Variants in PTPRD observed in about 807,000 individuals in gnomAD.
PTPRD encodes protein tyrosine phosphatase receptor type D, also known as receptor-type tyrosine-protein phosphatase delta.
A neutral mutation model predicts 214.5 loss-of-function variants in PTPRD; 34 were observed. That is an observed-to-expected ratio of 0.16 (90% CI 0.12 to 0.21). The LOEUF (loss-of-function observed/expected upper bound fraction) is 0.21. PTPRD is among the 10% of genes least tolerant of loss of function. The pLI, the probability that PTPRD is intolerant of heterozygous loss-of-function variation, is 1.00. For synonymous variants in PTPRD, 1,128 were observed against 845.7 expected, an observed-to-expected ratio of 1.33 and a Z score of -5.79; for missense variants, 2,545 against 2,398.7, an observed-to-expected ratio of 1.06 and a Z score of -1.27.
intron 11 of PTPRD, among the ~76,000 whole-genome samples, chr9:8,761,264 T>C (rs2094396440): frequency 6.6e-6 from 1 of 152,146 alleles, no homozygotes; most frequent in Non-Finnish European, 1.5e-5. Context: ...ATAGAAGTTT[T>C]AACATGGTAG....
rs534965152 is a variant in PTPRD, at chr9:8,697,029, A to G, written c.64+36751T>C. ...TTGCGGAAGCGTGAGAACAACAGTA[A>G]CAGTTTCTGCCTAGAAGAATCCTAT... On this transcript the variant is annotated intron_variant, in intron 12 of 45. Transcript: ENST00000381196. Among the ~76,000 whole-genome samples the G allele has an allele frequency of 1.1e-4, 16 of 152,356 alleles. No homozygotes were observed. The East Asian group carries it at 2.7e-3, about 26-fold the overall frequency.
chr9:8,805,518 C>A (rs1325133646), intron 11 of PTPRD, among the ~76,000 whole-genome samples: 1 of 151,194 alleles, frequency 6.6e-6, no homozygotes, highest in African/African-American at 2.4e-5. Context: ...AAAAAAAAAA[C>A]AGAAAAATAA....
intron 3 of PTPRD, among the ~76,000 whole-genome samples, chr9:10,143,251 G>T (rs1240511155): frequency 6.6e-6 from 1 of 151,408 alleles, no homozygotes; most frequent in South Asian, 2.1e-4. Flanking sequence ...TTGTGCACAT[G>T]TATCCTAAAA....
chr9:9,095,493 T>C (rs1043032472), intron 10 of PTPRD, among the ~76,000 whole-genome samples: 1 of 152,138 alleles, frequency 6.6e-6, no homozygotes, highest in African/African-American at 2.4e-5. Context: ...TGTAGTATAT[T>C]AAAAATATAT....
intron 4 of PTPRD, among the ~76,000 whole-genome samples, chr9:10,028,840 A>G (rs145032574): frequency 3.3e-5 from 5 of 152,342 alleles, no homozygotes; most frequent in East Asian, 1.9e-4. Context: ...AGACATTTGC[A>G]TAAGTAATGA....
chr9:8,678,032 C>G (rs750631022), intron 12 of PTPRD, among the ~76,000 whole-genome samples: 6 of 152,126 alleles, frequency 3.9e-5, no homozygotes, highest in Non-Finnish European at 7.3e-5. Context: ...GACAGCTTCT[C>G]TGTGTGACAG....
At chr9:9,868,566 G>A (rs1266137198) in intron 5 of PTPRD, among the ~76,000 whole-genome samples, 2 of 151,732 alleles carry the variant, frequency 1.3e-5, no homozygotes, top group African/African-American at 4.8e-5. Context: ...TGAATAAAAA[G>A]TAGGGATAGA....
chr9:8,523,190 C>CT (rs768513111), intron 19 of PTPRD, among the ~76,000 whole-genome samples: 92 of 152,214 alleles, frequency 6.0e-4, no homozygotes, highest in Non-Finnish European at 9.6e-4. Flanking sequence ...AGCAGGCATC[C>CT]TTATAAGACA....
chr9:9,350,089 G>T lies in PTPRD; in HGVS notation c.-203+47360C>A, dbSNP rs568959923. Among the ~76,000 whole-genome samples the T allele has an allele frequency of 1.3e-4, 20 of 152,152 alleles. No homozygotes were observed. In the South Asian group the frequency reaches 3.3e-3, roughly 25 times the overall value. The stretch of plus-strand genomic sequence containing the variant: ...ACCCCAGGAGCTATGCTCCAGAGTG[G>T]TCAGAAATCCTTTGCTGATGTAGAA... On this transcript the variant is annotated intron_variant, in intron 9 of 45. Coordinates refer to ENST00000381196, the MANE Select transcript of PTPRD (RefSeq NM_002839.4).
chr9:10,168,712 T>G (rs1285647688), intron 3 of PTPRD, among the ~76,000 whole-genome samples: 2 of 152,226 alleles, frequency 1.3e-5, no homozygotes, highest in Non-Finnish European at 2.9e-5. Context: ...ACTAATTCAA[T>G]GACTAACTAC....
At chr9:10,443,845 T>TCACACACACACACA (rs141638837) in intron 2 of PTPRD, among the ~76,000 whole-genome samples, 2 of 148,614 alleles carry the variant, frequency 1.3e-5, no homozygotes, top group African/African-American at 4.9e-5. Flanking sequence ...TACCTCAAAT[T>TCACACACACACACA]CACACACACA....
intron 2 of PTPRD, among the ~76,000 whole-genome samples, chr9:10,347,527 C>T (rs2097107661): frequency 6.6e-6 from 1 of 151,128 alleles, no homozygotes; most frequent in South Asian, 2.1e-4. Context: ...TCTCCTGCCT[C>T]AGCCTCCCAA....
intron 9 of PTPRD, among the ~76,000 whole-genome samples, chr9:9,249,147 A>T (rs2131468173): frequency 6.6e-6 from 1 of 152,002 alleles, no homozygotes; most frequent in East Asian, 2.0e-4. Flanking sequence ...TTCTAGCTTT[A>T]TTAGTTACTA....
intron 2 of PTPRD, among the ~76,000 whole-genome samples, chr9:10,485,885 A>G (rs1186217351): frequency 1.3e-5 from 2 of 152,082 alleles, no homozygotes; most frequent in Non-Finnish European, 2.9e-5. Flanking sequence ...CTCATAGTAG[A>G]TACTAATAAT....
At chr9:9,267,570 A>T (rs1027567914) in intron 9 of PTPRD, among the ~76,000 whole-genome samples, 1 of 151,266 alleles carries the variant, frequency 6.6e-6, no homozygotes, top group African/African-American at 2.4e-5. Flanking sequence ...AGAAAAGGAC[A>T]CTACAAAGAA....
intron 9 of PTPRD, among the ~76,000 whole-genome samples, chr9:9,300,021 A>G (rs746271726): frequency 2.0e-5 from 3 of 149,492 alleles, no homozygotes; most frequent in Non-Finnish European, 4.5e-5. Context: ...CTGACACACA[A>G]TTTTTAAATT....
At chr9:9,302,601 C>CT (rs3047853) in intron 9 of PTPRD, among the ~76,000 whole-genome samples, 42,644 of 111,062 alleles carry the variant, frequency 0.38, 9,035 homozygotes, top group East Asian at 0.77. Context: ...TTTTTTTTTT[C>CT]TTTTTTTTTT....
chr9:10,105,110 T>C (rs2154219130), intron 3 of PTPRD, among the ~76,000 whole-genome samples: 1 of 151,966 alleles, frequency 6.6e-6, no homozygotes, highest in Non-Finnish European at 1.5e-5. Flanking sequence ...AATAGCATTA[T>C]TTACCTTTGG....
At chr9:9,486,614 C>T (rs1402523693) in intron 8 of PTPRD, among the ~76,000 whole-genome samples, 1 of 151,624 alleles carries the variant, frequency 6.6e-6, no homozygotes, top group Non-Finnish European at 1.5e-5. Flanking sequence ...GTTTGCATCC[C>T]TCTCATAGTC....
Sources: allele counts gnomAD v4.1 joint callset (sites outside exome capture counted in the v4.1 genomes callset), GRCh38; gene constraint gnomAD v4.1.1; transcripts MANE v1.5; gene names NCBI Gene and HGNC (gene_info 2026-07-23, HGNC 2026-07-21).